Variants in IL12RB2 observed in about 807,000 individuals in gnomAD.
IL12RB2 encodes the protein interleukin-12 receptor subunit beta-2.
A neutral mutation model predicts 89.4 loss-of-function variants in IL12RB2; 82 were observed. The observed-to-expected ratio is 0.92, with a 90% confidence interval of 0.77 to 1.10. The LOEUF is 1.10. IL12RB2 is among the 50% of genes least tolerant of loss of function. IL12RB2 has a pLI of 0.00. For synonymous variants in IL12RB2, 368 were observed against 370.1 expected (o/e 0.99, Z 0.07); for missense variants, 963 against 1,031.9 (o/e 0.93, Z 0.92).
chr1:67,326,872 G>C (rs544233236), intron 5 of IL12RB2, 23 bp downstream of exon 5: 2 of 1,399,954 alleles, frequency 1.4e-6, no homozygotes, highest in South Asian at 4.4e-5. Flanking sequence ...CTGTATTTTT[G>C]CAGCTGTTTT....
At chr1:67,350,270 A>G (rs1276031251) in intron 9 of IL12RB2, among the ~76,000 whole-genome samples, 6 of 152,366 alleles carry the variant, frequency 3.9e-5, no homozygotes, top group East Asian at 1.9e-4. Context: ...AATGATCTCA[A>G]TTGGAATTTT....
At position 67,353,442 on chromosome 1, in the gene IL12RB2, C is replaced by T. The variant is rs115138263; in HGVS notation, c.1258+2353C>T. On this transcript the variant is annotated intron_variant, in intron 10 of 16. Transcript: ENST00000674203. ...AAGATTAGTCAGCTGTGGTGGCTCA[C>T]GCCTGTGGTTCCACTACTTGGGAGG... 8.4e-3 allele frequency among the ~76,000 whole-genome samples: 1,283 copies of T among 152,206 alleles called. 18 individuals are homozygous for T. Among genetic ancestry groups the T allele is most frequent in the African/African-American group, 0.029 (1,215 of 41,544 alleles).
At chr1:67,359,575 A>C (rs566126662) in intron 10 of IL12RB2, among the ~76,000 whole-genome samples, 21 of 152,196 alleles carry the variant, frequency 1.4e-4, no homozygotes, top group Non-Finnish European at 2.8e-4. Context: ...TACAAAAATT[A>C]GCTGGGAGTC....
chr1:67,360,105 T>C (rs1190379104), intron 10 of IL12RB2, among the ~76,000 whole-genome samples: 1 of 152,094 alleles, frequency 6.6e-6, no homozygotes, highest in Non-Finnish European at 1.5e-5. Flanking sequence ...TTTTATCTTA[T>C]GGAGCTTGAC....
At position 67,386,674 on chromosome 1, in the gene IL12RB2, G is replaced by C. The variant is rs1467942596; in HGVS notation, c.1946+5G>C. ...AACGCATTACTTCCAGCAAAAGTGA[G>C]TTGGTTACACCTACCAAGTGGGTAA... is the stretch of plus-strand genomic sequence containing the variant. On this transcript the variant is annotated splice_donor_5th_base_variant and intron_variant, in intron 15 of 16. Transcript: ENST00000674203. The C allele has an allele frequency of 6.3e-7, 1 of 1,579,726 alleles. No individual in the cohort carries two copies. Among genetic ancestry groups the C allele is most frequent in the South Asian group, 1.1e-5 (1 of 90,420 alleles).
chr1:67,362,535 C>T (rs1429490434), intron 10 of IL12RB2, among the ~76,000 whole-genome samples: 5 of 137,924 alleles, frequency 3.6e-5, no homozygotes, highest in Non-Finnish European at 7.7e-5. Flanking sequence ...CACTGCAGTC[C>T]GCAGTCCGGC....
At chr1:67,330,578 T>TA in intron 7 of IL12RB2, 82 bp from the exon 8 acceptor site, 1 of 766,304 alleles carries the variant, frequency 1.3e-6, no homozygotes. Flanking sequence ...AGCCTGGGTT[T>TA]TTTTTTTTTC....
intron 14 of IL12RB2, among the ~76,000 whole-genome samples, chr1:67,384,890 G>C (rs1305552320): frequency 6.6e-6 from 1 of 152,144 alleles, no homozygotes; most frequent in Non-Finnish European, 1.5e-5. Context: ...CAGCATTTTG[G>C]TCAAAGTCAC....
chr1:67,395,065 C>T (rs1487903262), intron 16 of IL12RB2, among the ~76,000 whole-genome samples: 1 of 151,876 alleles, frequency 6.6e-6, no homozygotes, highest in Non-Finnish European at 1.5e-5. Flanking sequence ...GTCAGGAGTT[C>T]GAGACCAGCC....
chr1:67,330,658 A>T lies in IL12RB2; in HGVS notation c.808-2A>T. 1.4e-6 allele frequency: 2 copies of T among 1,473,398 alleles called. No individual in the cohort carries two copies. The highest frequency in any genetic ancestry group is 1.9e-6 in the Non-Finnish European group (2 of 1,051,866). 91.3% of individuals were successfully genotyped at this position (1,473,398 alleles called of 1,614,324 possible). ...GCACTTTAAAAAAATGTCTGTTTCA[A>T]GGTTAATGTTACAAAGGCCAAAGGA... On this transcript the variant is annotated splice_acceptor_variant, in intron 7 of 16. Coordinates refer to ENST00000674203, the MANE Select transcript of IL12RB2 (RefSeq NM_001374259.2). LOFTEE classifies it high-confidence loss of function.
At chr1:67,320,128 C>T (rs374294094) in intron 2 of IL12RB2, among the ~76,000 whole-genome samples, 12 of 152,202 alleles carry the variant, frequency 7.9e-5, no homozygotes, top group African/African-American at 2.9e-4. Context: ...CTTTGCTGAC[C>T]CCAAGAAGTC....
At chr1:67,313,480 G>C in intron 1 of IL12RB2, among the ~76,000 whole-genome samples, 1 of 152,136 alleles carries the variant, frequency 6.6e-6, no homozygotes, top group Admixed American at 6.5e-5. Context: ...TGCTGCTACT[G>C]TTGCTATTGA....
intron 9 of IL12RB2, among the ~76,000 whole-genome samples, chr1:67,347,400 G>A (rs565849562): frequency 2.0e-4 from 30 of 152,194 alleles, no homozygotes; most frequent in Middle Eastern, 3.4e-3. Context: ...AAGAAGACAT[G>A]ATTTATCAAT....
intron 4 of IL12RB2, among the ~76,000 whole-genome samples, chr1:67,323,160 T>A (rs551287243): frequency 2.0e-4 from 30 of 152,278 alleles, no homozygotes; most frequent in Middle Eastern, 3.4e-3. Flanking sequence ...ATATAGTTGG[T>A]GCCAGGTGAT....
Position 67,376,703 on chromosome 1 carries a change from C to T in IL12RB2, c.1718-3283C>T, listed in dbSNP as rs79224117. Among the ~76,000 whole-genome samples, 31 of 150,904 alleles carry T rather than the reference C, an allele frequency of 2.1e-4. 1 individual carries two copies. The highest frequency in any genetic ancestry group is 3.9e-4 in the East Asian group (2 of 5,110). On this transcript the variant is annotated intron_variant, in intron 13 of 16. Coordinates refer to ENST00000674203, the MANE Select transcript of IL12RB2 (RefSeq NM_001374259.2). ...TATTTTTGTTCTCCTAATATGTGTG[C>T]GTGTGTGTGTGTGTATGTGTGTTTG...
At chr1:67,342,086 G>C (rs76556451) in intron 9 of IL12RB2, among the ~76,000 whole-genome samples, 8,866 of 152,234 alleles carry the variant, frequency 0.058, 286 homozygotes, top group Admixed American at 0.074. Context: ...GTACAAGGGA[G>C]TTATCTAAGT....
chr1:67,394,434 A>G (rs1416712241), intron 16 of IL12RB2, among the ~76,000 whole-genome samples: 2 of 152,206 alleles, frequency 1.3e-5, no homozygotes, highest in Non-Finnish European at 2.9e-5. Context: ...GAGATAGGAC[A>G]TTGAAGAGCT....
In IL12RB2 at chr1:67,380,121, AAGGTGAG is replaced by A. The variant is rs780902808; in HGVS notation, c.1855+2_1855+8del. ...GGAAATGAGAGGGAATTTTGTCTGC[AAGGTGAG>A]AGGCAGTGTTAAGGATGATGAGTCC... On this transcript the variant is annotated splice_donor_variant and splice_donor_5th_base_variant and coding_sequence_variant and intron_variant, in exon 14 of 17. Coordinates refer to ENST00000674203, the MANE Select transcript of IL12RB2 (RefSeq NM_001374259.2). LOFTEE classifies it high-confidence loss of function. 2.0e-5 allele frequency: 33 copies of A among 1,614,086 alleles called. No homozygotes were observed. In the African/African-American group the frequency reaches 3.2e-4, roughly 16 times the overall value.
chr1:67,391,936 C>T lies in IL12RB2; in HGVS notation c.2046+1808C>T, dbSNP rs927143763. 3.9e-5 allele frequency among the ~76,000 whole-genome samples: 6 copies of T among 152,304 alleles called. No individual in the cohort carries two copies. In the East Asian group the frequency reaches 7.7e-4, roughly 20 times the overall value. ...GGGATTATAGGCGTGAGCCACCATG[C>T]CCGGCATGAGGTTGTATGATTATCT... On this transcript the variant is annotated intron_variant, in intron 16 of 16. Transcript: ENST00000674203.
Sources: gnomAD v4.1 joint callset for allele counts (sites outside exome capture counted in the v4.1 genomes callset) on GRCh38, gnomAD v4.1.1 for gene constraint, MANE v1.5 for transcripts, NCBI Gene and HGNC (gene_info 2026-07-23, HGNC 2026-07-21) for gene names.